TBC1D15: variants seen among roughly 807,000 people sequenced by gnomAD.
The protein encoded by TBC1D15 is GAP for RAB7.
Under a neutral mutation model 95.4 loss-of-function variants are expected in TBC1D15, and 39 were observed. That is an observed-to-expected ratio of 0.41 (90% CI 0.32 to 0.53). The LOEUF is 0.53. TBC1D15 is among the 20% of genes least tolerant of loss of function. The pLI is 0.29. For missense variants in TBC1D15, 733 were observed against 794.3 expected, an observed-to-expected ratio of 0.92 and a Z score of 0.93; for synonymous variants, 258 against 261.3, an observed-to-expected ratio of 0.99 and a Z score of 0.12.
Position 71,872,938 on chromosome 12 carries a change from G to T in TBC1D15, c.139G>T (p.Val47Leu). The change falls in exon 3 of 17, where the codon GTA (valine) becomes TTA (leucine). Residue 47 changes from valine (V) to leucine (L), a missense_variant. Val to Leu is a conservative substitution (Grantham distance 32). Coordinates refer to ENST00000485960, the MANE Select transcript of TBC1D15 (RefSeq NM_001146213.3). ...TAATTTCTTTCTCTAGGATGCCGAA[G>T]TAATAGTGGACTGGAGACCATTGGA... ...ILRVLEKDAE[V>L]IVDWRPLDDA... The T allele has an allele frequency of 6.2e-7, 1 of 1,605,824 alleles. No individual in the cohort carries two copies. Among genetic ancestry groups the T allele is most frequent in the Non-Finnish European group, 8.5e-7 (1 of 1,176,668 alleles).
At chr12:71,900,538 A>G (rs530239920) in intron 10 of TBC1D15, among the ~76,000 whole-genome samples, 1 of 152,250 alleles carries the variant, frequency 6.6e-6, no homozygotes, top group Non-Finnish European at 1.5e-5. Context: ...TCTGAAAACC[A>G]AATTGATTAT....
At chr12:71,851,849 G>A (rs927141250) in intron 1 of TBC1D15, among the ~76,000 whole-genome samples, 1 of 152,202 alleles carries the variant, frequency 6.6e-6, no homozygotes, top group Non-Finnish European at 1.5e-5. Flanking sequence ...GGTATTGTGT[G>A]CCTGTGGCTT....
At chr12:71,846,934 T>G (rs1047054756) in intron 1 of TBC1D15, among the ~76,000 whole-genome samples, 1 of 151,950 alleles carries the variant, frequency 6.6e-6, no homozygotes, top group Non-Finnish European at 1.5e-5. Context: ...CTAGTTTTTG[T>G]ATTTTTTGTA....
intron 4 of TBC1D15, among the ~76,000 whole-genome samples, chr12:71,884,233 G>T (rs1895778699): frequency 6.6e-6 from 1 of 152,012 alleles, no homozygotes; most frequent in Non-Finnish European, 1.5e-5. Flanking sequence ...ATTACAAAAG[G>T]AAATGAAGGA....
At chr12:71,881,916 CAAAAAAA>C (rs35977474) in intron 4 of TBC1D15, among the ~76,000 whole-genome samples, 1,713 of 53,586 alleles carry the variant, frequency 0.032, 24 homozygotes, top group Admixed American at 0.069. Context: ...GACTCCGTCT[CAAAAAAA>C]AAAAAAAAAA....
intron 3 of TBC1D15, among the ~76,000 whole-genome samples, chr12:71,877,210 G>GTT (rs370164812): frequency 1.3e-4 from 17 of 133,866 alleles, no homozygotes; most frequent in South Asian, 4.9e-4. Flanking sequence ...GTGTGTGTGT[G>GTT]TTTTTTTTTT....
intron 3 of TBC1D15, among the ~76,000 whole-genome samples, chr12:71,879,869 T>A (rs929957279): frequency 4.6e-5 from 7 of 152,242 alleles, no homozygotes; most frequent in African/African-American, 1.7e-4. Context: ...TATCTTTAGC[T>A]AATATATGGT....
intron 1 of TBC1D15, among the ~76,000 whole-genome samples, chr12:71,847,812 C>T (rs974379836): frequency 2.0e-5 from 3 of 151,734 alleles, no homozygotes; most frequent in Admixed American, 1.3e-4. Context: ...TAAAGCTGCT[C>T]TTAGGCCAGG....
intron 1 of TBC1D15, among the ~76,000 whole-genome samples, chr12:71,845,755 G>C (rs1178654245): frequency 6.6e-6 from 1 of 152,148 alleles, no homozygotes; most frequent in Non-Finnish European, 1.5e-5. Context: ...AGTTAAGAAT[G>C]CATGTTGTGT....
At chr12:71,879,971 T>C (rs1009897727) in intron 3 of TBC1D15, among the ~76,000 whole-genome samples, 4 of 152,186 alleles carry the variant, frequency 2.6e-5, no homozygotes, top group South Asian at 2.1e-4. Flanking sequence ...GATGGAAAAT[T>C]CTATAGAACT....
chr12:71,916,778 G>A (rs1566076763), intron 12 of TBC1D15, among the ~76,000 whole-genome samples: 1 of 152,056 alleles, frequency 6.6e-6, no homozygotes, highest in East Asian at 1.9e-4. Context: ...TCAGGTGTTG[G>A]TAGGGAGTCT....
intron 1 of TBC1D15, among the ~76,000 whole-genome samples, chr12:71,848,544 T>G (rs1886918341): frequency 6.6e-6 from 1 of 152,226 alleles, no homozygotes; most frequent in Non-Finnish European, 1.5e-5. Context: ...TGTGTTTTTT[T>G]GTCACTGAGT....
chr12:71,851,360 G>A (rs566188442), intron 1 of TBC1D15, among the ~76,000 whole-genome samples: 1 of 151,906 alleles, frequency 6.6e-6, no homozygotes, highest in South Asian at 2.1e-4. Context: ...ATGAGATTTA[G>A]GTGGGGACAC....
chr12:71,842,682 T>A (rs1199881787), intron 1 of TBC1D15, among the ~76,000 whole-genome samples: 4 of 151,098 alleles, frequency 2.6e-5, no homozygotes, highest in East Asian at 3.9e-4. Context: ...AATAAAAAAA[T>A]TAGCTAGTTG....
chr12:71,880,555 A>G lies in TBC1D15; in HGVS notation c.291A>G (p.Glu97=). 5 of 1,613,616 alleles carry G rather than the reference A, an allele frequency of 3.1e-6. No individual in the cohort carries two copies. Among genetic ancestry groups the G allele is most frequent in the Non-Finnish European group, 4.2e-6 (5 of 1,179,700 alleles). The change falls in exon 4 of 17, where the codon GAA becomes GAG. Residue 97 remains glutamate, a synonymous_variant. Transcript: ENST00000485960. ...GSEHLNSYEA[E]WDMVNTVSFK... ...AACATCTGAACAGTTACGAAGCAGA[A>G]TGGGACATGGTTAATACAGTTTCAT...
intron 3 of TBC1D15, among the ~76,000 whole-genome samples, chr12:71,877,346 A>G (rs991493876): frequency 1.4e-5 from 2 of 147,952 alleles, no homozygotes. Flanking sequence ...CTCTTTTAAT[A>G]TGGAAACTTC....
In TBC1D15 at chr12:71,839,786, C is replaced by A. The variant is rs367933432; in HGVS notation, c.5C>A (p.Ala2Glu). Residue 2 changes from alanine (A) to glutamate (E), a missense_variant, in exon 1 of 17, where the codon GCG (alanine) becomes GAG (glutamate). By Grantham distance (107) the Ala-to-Glu change is moderately radical (BLOSUM62 -1). Coordinates refer to ENST00000485960, the MANE Select transcript of TBC1D15 (RefSeq NM_001146213.3). ...TACCAGGCACGCGCAGGAAACATGG[C>A]GGCGGCGGGTGTTGTGAGCGGGAAG... is the stretch of plus-strand genomic sequence containing the variant. M[A>E]AAGVVSGKII... The A allele has an allele frequency of 9.9e-6, 16 of 1,614,078 alleles. No homozygotes were observed. In the African/African-American group the frequency reaches 1.7e-4, roughly 17 times the overall value.
rs141404669 is a variant in TBC1D15 at position 71,862,323 on chromosome 12, A to G, written c.31-9747A>G. Among the ~76,000 whole-genome samples the G allele has an allele frequency of 3.1e-3, 477 of 152,182 alleles. 5 individuals carry two copies. The highest frequency in any genetic ancestry group is 0.01 in the African/African-American group (433 of 41,518). On this transcript the variant is annotated intron_variant, in intron 1 of 16. Transcript: ENST00000485960. ...TGTATTGGAGTATAGCTATCCCTTT[A>G]GAGCTAGTATTTTGCTTTATGTATC... is the stretch of plus-strand genomic sequence containing the variant.
chr12:71,884,708 T>C lies in TBC1D15; in HGVS notation c.344-103T>C, dbSNP rs1895884610. 3 of 964,878 alleles carry C rather than the reference T, an allele frequency of 3.1e-6. No homozygotes were observed. The Admixed American group carries it at 6.4e-5, about 20-fold the overall frequency. The allele number at this position is 964,878 out of a possible 1,614,324, so 59.8% of individuals were successfully genotyped here. ...ATAATAATATAAGTGCTATACTGAT[T>C]CCCTGGGTTCAACTAATTTATGTTA... On this transcript the variant is annotated intron_variant, in intron 4 of 16. Coordinates refer to ENST00000485960, the MANE Select transcript of TBC1D15 (RefSeq NM_001146213.3).
Sources: allele counts gnomAD v4.1 joint callset (sites outside exome capture counted in the v4.1 genomes callset), GRCh38; gene constraint gnomAD v4.1.1; transcripts MANE v1.5; gene names NCBI Gene and HGNC (gene_info 2026-07-23, HGNC 2026-07-21).